Variants in SND1 observed in about 807,000 individuals in gnomAD.
The protein encoded by SND1 is staphylococcal nuclease and tudor domain containing 1, also known as staphylococcal nuclease domain-containing protein 1.
SND1 carries 38 observed loss-of-function variants against 121.7 expected under a neutral mutation model. The observed-to-expected ratio is 0.31, with a 90% confidence interval of 0.24 to 0.41. SND1 has a LOEUF of 0.41. Among genes scored for constraint, SND1 ranks in the 10% least tolerant of loss-of-function variants. The pLI is 1.00. For synonymous variants in SND1, 401 were observed against 447.4 expected, an observed-to-expected ratio of 0.90 and a Z score of 1.31; for missense variants, 868 against 1,184.6, an observed-to-expected ratio of 0.73 and a Z score of 3.92.
Position 128,081,330 on chromosome 7 carries a change from T to C in SND1, c.1969-30T>C, listed in dbSNP as rs1368216998. The C allele has an allele frequency of 2.5e-6, 4 of 1,613,214 alleles. No individual in the cohort carries two copies. In the East Asian group the frequency reaches 6.7e-5, roughly 27 times the overall value. ...CTTTTATGACTTCACTTCCTCGCCC[T>C]CTTCTCACCTCTGCCGACTGAACAT... On this transcript the variant is annotated intron_variant, in intron 17 of 23. Transcript: ENST00000354725.
At chr7:127,766,571 C>G (rs141501170) in intron 10 of SND1, among the ~76,000 whole-genome samples, 34,041 of 151,626 alleles carry the variant, frequency 0.22, 3,935 homozygotes, top group South Asian at 0.3. Context: ...GTCAGGAGAT[C>G]AAGACCATCC....
chr7:127,811,126 G>A (rs1056561872), intron 11 of SND1, among the ~76,000 whole-genome samples: 1 of 152,208 alleles, frequency 6.6e-6, no homozygotes, highest in African/African-American at 2.4e-5. Flanking sequence ...TAAACTAACA[G>A]CAGCCTTTTT....
chr7:127,693,860 G>C (rs974662913), intron 2 of SND1, among the ~76,000 whole-genome samples: 1 of 152,166 alleles, frequency 6.6e-6, no homozygotes, highest in Non-Finnish European at 1.5e-5. Flanking sequence ...ATAAGTTCAA[G>C]TGCCAGTGGC....
At chr7:127,836,842 A>C (rs1371027307) in intron 11 of SND1, among the ~76,000 whole-genome samples, 2 of 152,222 alleles carry the variant, frequency 1.3e-5, no homozygotes, top group African/African-American at 4.8e-5. Context: ...GGAATTAATA[A>C]AATTCAGCTA....
At chr7:127,823,243 A>G (rs1034692849) in intron 11 of SND1, among the ~76,000 whole-genome samples, 7 of 152,116 alleles carry the variant, frequency 4.6e-5, no homozygotes, top group African/African-American at 1.7e-4. Flanking sequence ...TGCTTTCAAA[A>G]CCAGTCCAGC....
chr7:128,036,300 A>G (rs1454425139), intron 16 of SND1, among the ~76,000 whole-genome samples: 1 of 152,184 alleles, frequency 6.6e-6, no homozygotes, highest in Non-Finnish European at 1.5e-5. Flanking sequence ...TAAAATCAGA[A>G]TTGCAAAGGG....
intron 10 of SND1, among the ~76,000 whole-genome samples, chr7:127,779,162 A>G (rs1039565100): frequency 2.0e-5 from 3 of 152,184 alleles, no homozygotes; most frequent in African/African-American, 7.2e-5. Context: ...ACATGGAGAA[A>G]TCTTTTTTCT....
chr7:127,887,213 T>A (rs990226496), intron 12 of SND1, among the ~76,000 whole-genome samples: 1 of 152,024 alleles, frequency 6.6e-6, no homozygotes, highest in African/African-American at 2.4e-5. Context: ...TCCAGGCTGC[T>A]CACAAACTCC....
chr7:127,721,258 G>A (rs763703064), intron 9 of SND1, 29 bp from the exon 10 acceptor site: 6 of 1,528,064 alleles, frequency 3.9e-6, no homozygotes, highest in Admixed American at 1.7e-5. Flanking sequence ...CATAGAAGCA[G>A]GTTTAAGCAT....
At chr7:127,855,757 G>T (rs1453046983) in intron 12 of SND1, among the ~76,000 whole-genome samples, 1 of 152,030 alleles carries the variant, frequency 6.6e-6, no homozygotes, top group Non-Finnish European at 1.5e-5. Flanking sequence ...TCTCTCACAT[G>T]TCCAGCTATT....
At chr7:127,748,276 G>A (rs1052366783) in intron 10 of SND1, among the ~76,000 whole-genome samples, 1 of 152,164 alleles carries the variant, frequency 6.6e-6, no homozygotes, top group Non-Finnish European at 1.5e-5. Flanking sequence ...TGATACCATA[G>A]TATGCTTACC....
At chr7:127,849,165 C>T (rs772918342) in intron 12 of SND1, among the ~76,000 whole-genome samples, 8 of 152,224 alleles carry the variant, frequency 5.3e-5, no homozygotes, top group Middle Eastern at 6.8e-3. Flanking sequence ...GTCAAGATGG[C>T]GCTTCCTGTT....
intron 12 of SND1, among the ~76,000 whole-genome samples, chr7:127,885,808 C>T (rs1243308021): frequency 1.3e-5 from 2 of 152,098 alleles, no homozygotes; most frequent in South Asian, 2.1e-4. Flanking sequence ...AATGTCAATG[C>T]TCAGTAATTC....
At chr7:127,720,327 T>C (rs998998965) in intron 9 of SND1, among the ~76,000 whole-genome samples, 12 of 152,206 alleles carry the variant, frequency 7.9e-5, no homozygotes, top group African/African-American at 2.7e-4. Context: ...AAGAGTTCGA[T>C]TTTGATTCTG....
chr7:127,790,747 A>C (rs568515454), intron 10 of SND1, among the ~76,000 whole-genome samples: 2 of 152,290 alleles, frequency 1.3e-5, no homozygotes, highest in East Asian at 3.9e-4. Flanking sequence ...AGAATACAGG[A>C]TATTTTATTA....
chr7:127,914,263 A>G (rs907785245), intron 14 of SND1, among the ~76,000 whole-genome samples: 29 of 152,194 alleles, frequency 1.9e-4, no homozygotes, highest in Non-Finnish European at 2.6e-4. Flanking sequence ...CCACTACTTA[A>G]GGTCCTCAGT....
chr7:127,788,007 C>A (rs560181264), intron 10 of SND1, among the ~76,000 whole-genome samples: 52 of 152,214 alleles, frequency 3.4e-4, no homozygotes, highest in Non-Finnish European at 6.3e-4. Flanking sequence ...CACTAGTAGG[C>A]GAAACGGGTG....
intron 11 of SND1, among the ~76,000 whole-genome samples, chr7:127,820,543 A>G (rs945682471): frequency 6.6e-6 from 1 of 152,218 alleles, no homozygotes; most frequent in Non-Finnish European, 1.5e-5. Context: ...GCAAATGGTA[A>G]TAAGATCACT....
chr7:128,043,471 G>A (rs2117009966), intron 16 of SND1, among the ~76,000 whole-genome samples: 1 of 152,160 alleles, frequency 6.6e-6, no homozygotes, highest in South Asian at 2.1e-4. Flanking sequence ...CTACTTGGGA[G>A]GCTGAGGTGG....
Sources: gnomAD v4.1 joint callset for allele counts (sites outside exome capture counted in the v4.1 genomes callset) on GRCh38, gnomAD v4.1.1 for gene constraint, MANE v1.5 for transcripts, NCBI Gene and HGNC (gene_info 2026-07-23, HGNC 2026-07-21) for gene names.